The following APBB2 variants were observed in gnomAD, a reference collection of about 807,000 sequenced individuals.
APBB2 encodes the protein Fe65-like 1.
APBB2 carries 38 observed loss-of-function variants against 82.5 expected under a neutral mutation model. The observed-to-expected ratio is 0.46, with a 90% CI of 0.36 to 0.60. The LOEUF is 0.60. APBB2 is among the 20% of genes least tolerant of loss of function. The pLI, the probability that APBB2 is intolerant of heterozygous loss-of-function variation, is 0.00. For synonymous variants in APBB2, 341 were observed against 368.2 expected, an observed-to-expected ratio of 0.93 and a Z score of 0.85; for missense variants, 772 against 972.3, an observed-to-expected ratio of 0.79 and a Z score of 2.74.
At chr4:41,060,159 AG>A (rs1729306934) in intron 4 of APBB2, among the ~76,000 whole-genome samples, 1 of 152,156 alleles carries the variant, frequency 6.6e-6, no homozygotes. Flanking sequence ...ACACCAAACA[AG>A]AAACAATTTA....
At chr4:40,933,710 TG>T (rs1784763711) in intron 10 of APBB2, among the ~76,000 whole-genome samples, 1 of 152,068 alleles carries the variant, frequency 6.6e-6, no homozygotes, top group Non-Finnish European at 1.5e-5. Flanking sequence ...GGCCAGAAGG[TG>T]AGAACCGCAC....
rs1194757753 is a variant in APBB2 at position 40,982,389 on chromosome 4, A to AG, written c.835+31193dup. ...AAGGAAGGAAGGAAGGAAGGAAGGA[A>AG]GGAAAGGAAAGGAAAGAAAGAAAGA... On this transcript the variant is annotated intron_variant, in intron 6 of 17. Transcript: ENST00000508593. 7.8e-4 allele frequency among the ~76,000 whole-genome samples: 13 copies of AG among 16,580 alleles called. 1 individual carries two copies. The highest frequency in any genetic ancestry group is 2.0e-3 in the African/African-American group (13 of 6,406). 10.9% of individuals were successfully genotyped at this position (16,580 alleles called of 152,430 possible).
At chr4:41,022,312 G>A (rs545557616) in intron 5 of APBB2, among the ~76,000 whole-genome samples, 1 of 152,336 alleles carries the variant, frequency 6.6e-6, no homozygotes, top group African/African-American at 2.4e-5. Context: ...TGTTCTTGCG[G>A]TGATTCTAAT....
At position 41,127,506 on chromosome 4, in the gene APBB2, A is replaced by G. The variant is rs912064010; in HGVS notation, c.-261+15481T>C. Among the ~76,000 whole-genome samples the G allele has an allele frequency of 6.6e-6, 1 of 152,218 alleles. No individual in the cohort carries two copies. Among genetic ancestry groups the G allele is most frequent in the Non-Finnish European group, 1.5e-5 (1 of 68,034 alleles). On this transcript the variant is annotated intron_variant, in intron 2 of 17. Coordinates refer to ENST00000508593, the MANE Select transcript of APBB2 (RefSeq NM_004307.2). The surrounding 1 kb of genome is among the most constrained non-coding windows in gnomAD (Gnocchi z 4.8). ...TTAATCTAGACTACCTGCTTCCAAC[A>G]TCAAACTGGGTTCAGCAAATGATAA...
chr4:40,966,333 G>A (rs185106584), intron 6 of APBB2, among the ~76,000 whole-genome samples: 7 of 152,344 alleles, frequency 4.6e-5, no homozygotes, highest in Non-Finnish European at 8.8e-5. Context: ...GATGGCAGCG[G>A]TAGCCCATCT....
At chr4:40,899,472 G>A (rs1180933905) in intron 10 of APBB2, among the ~76,000 whole-genome samples, 1 of 152,142 alleles carries the variant, frequency 6.6e-6, no homozygotes, top group Non-Finnish European at 1.5e-5. Context: ...TAAAACATGT[G>A]TCGTGGAGCA....
intron 12 of APBB2, among the ~76,000 whole-genome samples, chr4:40,830,886 G>C (rs1311602111): frequency 6.6e-6 from 1 of 151,860 alleles, no homozygotes; most frequent in Non-Finnish European, 1.5e-5. Context: ...TCTCGAACCA[G>C]GCAACACAGT....
chr4:41,117,295 ATTT>A (rs5857777), intron 2 of APBB2, among the ~76,000 whole-genome samples: 5 of 129,734 alleles, frequency 3.9e-5, no homozygotes, highest in African/African-American at 1.4e-4. Flanking sequence ...TATTATTATT[ATTT>A]TTTTTTTTTT....
chr4:40,869,329 C>T (rs568262302), intron 12 of APBB2, among the ~76,000 whole-genome samples: 88 of 152,282 alleles, frequency 5.8e-4, no homozygotes, highest in African/African-American at 2.0e-3. Flanking sequence ...CAACTGTAAT[C>T]CCAGCACTTT....
chr4:41,150,297 G>A (rs1761913588), intron 1 of APBB2, among the ~76,000 whole-genome samples: 1 of 152,206 alleles, frequency 6.6e-6, no homozygotes, highest in Non-Finnish European at 1.5e-5. Flanking sequence ...GAGCATTGGG[G>A]AAGTAGCAGG....
chr4:41,094,766 T>C (rs926190952), intron 3 of APBB2, among the ~76,000 whole-genome samples: 5 of 152,196 alleles, frequency 3.3e-5, no homozygotes, highest in African/African-American at 1.2e-4. Flanking sequence ...GGTTTCGCTA[T>C]GTTGGCTAGG....
At chr4:40,902,783 G>C (rs768622502) in intron 10 of APBB2, among the ~76,000 whole-genome samples, 3 of 152,152 alleles carry the variant, frequency 2.0e-5, no homozygotes, top group Non-Finnish European at 4.4e-5. Flanking sequence ...TCCCACCTTG[G>C]CATCCGAAAG....
chr4:41,205,390 C>G (rs1777681861), intron 1 of APBB2, among the ~76,000 whole-genome samples: 1 of 152,132 alleles, frequency 6.6e-6, no homozygotes, highest in African/African-American at 2.4e-5. Context: ...ACCCGCTTCC[C>G]ATTTTCTCAC....
rs768150640 is a variant in APBB2, at chr4:40,816,201, G to A, written c.2171C>T (p.Pro724Leu). The A allele has an allele frequency of 6.2e-7, 1 of 1,614,238 alleles. No individual in the cohort carries two copies. Among genetic ancestry groups the A allele is most frequent in the Admixed American group, 1.7e-5 (1 of 60,024 alleles). The stretch of plus-strand genomic sequence containing the variant: ...TCTGGTTACTGAATCTGCTGGCGGT[G>A]GAGGTGGTCGAACTTTCTGAGAAGG... ...RPPSQKVRPP[P>L]PPADSVTRRV... is the part of the protein sequence containing the mutation. Residue 724 changes from proline (P) to leucine (L), a missense_variant, in exon 18 of 18, where the codon CCA becomes CTA. Coordinates refer to ENST00000508593, the MANE Select transcript of APBB2 (RefSeq NM_004307.2).
chr4:40,830,098 T>C (rs1016111924), intron 13 of APBB2, among the ~76,000 whole-genome samples: 5 of 152,142 alleles, frequency 3.3e-5, no homozygotes, highest in African/African-American at 1.2e-4. Flanking sequence ...TATACATTTC[T>C]AGGCTGCGGG....
chr4:40,884,959 A>G (rs1769797337), intron 12 of APBB2, among the ~76,000 whole-genome samples: 1 of 152,250 alleles, frequency 6.6e-6, no homozygotes. Context: ...TGAATAATCT[A>G]TGACACAGAA....
intron 6 of APBB2, among the ~76,000 whole-genome samples, chr4:40,972,143 T>C (rs112104815): frequency 0.013 from 1,983 of 152,158 alleles, 49 homozygotes; most frequent in African/African-American, 0.045. Flanking sequence ...AATAGCAAAA[T>C]CCTGGCCGGC....
intron 4 of APBB2, among the ~76,000 whole-genome samples, chr4:41,038,112 T>C (rs1011648657): frequency 6.6e-6 from 1 of 151,896 alleles, no homozygotes; most frequent in African/African-American, 2.4e-5. Context: ...TTCTTAATGC[T>C]GATATGCCTT....
At chr4:41,079,891 T>A (rs756414410) in intron 3 of APBB2, among the ~76,000 whole-genome samples, 1 of 152,038 alleles carries the variant, frequency 6.6e-6, no homozygotes, top group Non-Finnish European at 1.5e-5. Context: ...AGCCAACCCA[T>A]TCAGAGTTCT....
Sources: gnomAD v4.1 joint callset for allele counts (sites outside exome capture counted in the v4.1 genomes callset) on GRCh38, gnomAD v4.1.1 for gene constraint, Gnocchi (gnomAD v3.1) non-coding constraint, MANE v1.5 for transcripts, NCBI Gene and HGNC (gene_info 2026-07-23, HGNC 2026-07-21) for gene names.